The following SEMA6D variants were observed in gnomAD, a reference collection of about 807,000 sequenced individuals.
SEMA6D encodes semaphorin-6D.
In SEMA6D, 35 loss-of-function variants were observed where a neutral mutation model predicts 106.6. The observed-to-expected ratio is 0.33, with a 90% CI of 0.25 to 0.44. The LOEUF is 0.44. SEMA6D is among the 20% of genes least tolerant of loss of function. The pLI is 1.00. For missense variants in SEMA6D, 1,185 were observed against 1,345.9 expected (o/e 0.88, Z 1.87); for synonymous variants, 499 against 487.7 (o/e 1.02, Z -0.31).
chr15:47,731,703 G>A (rs1312475854), intron 1 of SEMA6D, among the ~76,000 whole-genome samples: 2 of 152,110 alleles, frequency 1.3e-5, no homozygotes, highest in Non-Finnish European at 2.9e-5. Flanking sequence ...GATTTATTTT[G>A]TTGCCTTTTT....
intron 1 of SEMA6D, among the ~76,000 whole-genome samples, chr15:47,338,198 G>A (rs2037652235): frequency 6.6e-6 from 1 of 152,160 alleles, no homozygotes; most frequent in Admixed American, 6.5e-5. Flanking sequence ...ACGGAGAGAA[G>A]GAGAACTAGT....
Position 47,669,463 on chromosome 15 carries a change from C to G in SEMA6D, c.-55+68567C>G, listed in dbSNP as rs186056869. Among the ~76,000 whole-genome samples the G allele has an allele frequency of 4.1e-3, 628 of 152,180 alleles. 4 individuals carry two copies. Among genetic ancestry groups the G allele is most frequent in the Admixed American group, 8.3e-3 (127 of 15,282 alleles). On this transcript the variant is annotated intron_variant, in intron 4 of 19. Coordinates refer to the SEMA6D transcript ENST00000558014. ...TAAATGAATGGCTGAATGATGATAG[C>G]CCTCCCTTGCTTTCCCATCCCAAAA...
intron 1 of SEMA6D, among the ~76,000 whole-genome samples, chr15:47,285,563 G>C (rs1015723368): frequency 6.6e-6 from 1 of 151,828 alleles, no homozygotes; most frequent in Admixed American, 6.6e-5. Context: ...TGAAACCCCT[G>C]TTGTTTATCA....
chr15:47,504,496 G>A (rs2043969679), intron 3 of SEMA6D, among the ~76,000 whole-genome samples: 1 of 152,162 alleles, frequency 6.6e-6, no homozygotes, highest in African/African-American at 2.4e-5. Flanking sequence ...TGCTCTGATA[G>A]AAAAGCAGGA....
intron 1 of SEMA6D, among the ~76,000 whole-genome samples, chr15:47,212,672 C>T (rs1454772904): frequency 1.3e-5 from 2 of 152,192 alleles, no homozygotes; most frequent in East Asian, 3.8e-4. Context: ...CTGTCCAAAA[C>T]ATAAAGTAGC....
chr15:47,669,810 A>T (rs1351575826), intron 4 of SEMA6D, among the ~76,000 whole-genome samples: 1 of 152,108 alleles, frequency 6.6e-6, no homozygotes, highest in Non-Finnish European at 1.5e-5. Context: ...TCTACAACAA[A>T]CCGCCTTGAA....
chr15:47,651,653 G>T (rs2077694102), intron 4 of SEMA6D, among the ~76,000 whole-genome samples: 1 of 152,206 alleles, frequency 6.6e-6, no homozygotes, highest in Admixed American at 6.5e-5. Flanking sequence ...ATCAGGGGAT[G>T]TTCTGGGTCA....
intron 3 of SEMA6D, among the ~76,000 whole-genome samples, chr15:47,501,231 C>CA (rs2043838898): frequency 6.6e-6 from 1 of 152,204 alleles, no homozygotes; most frequent in Non-Finnish European, 1.5e-5. Context: ...GCTAGAGAGA[C>CA]ATATCACTGT....
chr15:47,317,110 C>T (rs2036714271), intron 1 of SEMA6D, among the ~76,000 whole-genome samples: 2 of 152,140 alleles, frequency 1.3e-5, no homozygotes, highest in African/African-American at 4.8e-5. Context: ...GTATGATTGT[C>T]TATTTTTTCT....
chr15:47,354,187 CTCTCTCTCTCTCTATATATA>C (rs1163855510), intron 1 of SEMA6D, among the ~76,000 whole-genome samples: 648 of 25,834 alleles, frequency 0.025, 6 homozygotes, highest in African/African-American at 0.11. Flanking sequence ...CTCTCTCTCT[CTCTCTCTCTCTCTATATATA>C]TATATATATA....
At chr15:47,258,540 A>G (rs1436990180) in intron 1 of SEMA6D, among the ~76,000 whole-genome samples, 1 of 152,188 alleles carries the variant, frequency 6.6e-6, no homozygotes, top group Non-Finnish European at 1.5e-5. Flanking sequence ...TGGGACAGCC[A>G]TCTTTTCATG....
intron 3 of SEMA6D, among the ~76,000 whole-genome samples, chr15:47,545,025 T>G (rs187478275): frequency 0.011 from 1,608 of 152,178 alleles, 18 homozygotes; most frequent in Admixed American, 0.018. Flanking sequence ...ATAATGGGAA[T>G]TGCTATGTAA....
At chr15:47,387,942 T>G (rs1345968939) in intron 1 of SEMA6D, among the ~76,000 whole-genome samples, 1 of 152,216 alleles carries the variant, frequency 6.6e-6, no homozygotes, top group African/African-American at 2.4e-5. Context: ...GTGCCTAAGC[T>G]CTAATACTCA....
intron 1 of SEMA6D, chr15:47,730,898 G>T: frequency 1.1e-6 from 1 of 895,614 alleles, no homozygotes; most frequent in Admixed American, 1.8e-5. Flanking sequence ...AGGGGCCGGA[G>T]CCACCTTCTT....
intron 15 of SEMA6D, 104 bp downstream of exon 15, chr15:47,766,286 TGTTG>T: frequency 6.8e-6 from 6 of 882,322 alleles, no homozygotes; most frequent in Non-Finnish European, 8.2e-6. Flanking sequence ...TCTTTTTTTT[TGTTG>T]TTATGGGAGA....
intron 2 of SEMA6D, among the ~76,000 whole-genome samples, chr15:47,457,713 G>A (rs1479916465): frequency 6.6e-6 from 1 of 151,878 alleles, no homozygotes. Flanking sequence ...CAAAAGGTAA[G>A]AGACATGGAA....
chr15:47,253,165 C>G (rs2033614969), intron 1 of SEMA6D, among the ~76,000 whole-genome samples: 1 of 151,916 alleles, frequency 6.6e-6, no homozygotes, highest in Non-Finnish European at 1.5e-5. Context: ...TTGTATTTAC[C>G]TAATGATTAG....
intron 3 of SEMA6D, among the ~76,000 whole-genome samples, chr15:47,579,060 C>T (rs1249067258): frequency 6.6e-6 from 1 of 151,862 alleles, no homozygotes; most frequent in Admixed American, 6.6e-5. Flanking sequence ...CTGTGGTGTA[C>T]ATATGAAGCC....
intron 3 of SEMA6D, among the ~76,000 whole-genome samples, chr15:47,585,253 T>C (rs968233068): frequency 9.2e-5 from 14 of 152,236 alleles, no homozygotes; most frequent in African/African-American, 3.4e-4. Flanking sequence ...CAGATTTACC[T>C]TTCCTAAGCA....
Sources: allele counts gnomAD v4.1 joint callset (sites outside exome capture counted in the v4.1 genomes callset), GRCh38; gene constraint gnomAD v4.1.1; transcripts MANE v1.5; gene names NCBI Gene and HGNC (gene_info 2026-07-23, HGNC 2026-07-21).